Variants in MINDY2 observed in about 807,000 individuals in gnomAD.
MINDY2 encodes MINDY lysine 48 deubiquitinase 2, also known as ubiquitin carboxyl-terminal hydrolase MINDY-2.
A neutral mutation model predicts 68.2 loss-of-function variants in MINDY2; 52 were observed. That is an observed-to-expected ratio of 0.76 (90% CI 0.61 to 0.96). The LOEUF (loss-of-function observed/expected upper bound fraction) is 0.96. Among genes scored for constraint, MINDY2 ranks in the 40% least tolerant of loss-of-function variants. The pLI, the probability that MINDY2 is intolerant of heterozygous loss-of-function variation, is 0.00. For synonymous variants in MINDY2, 372 were observed against 303.0 expected, an observed-to-expected ratio of 1.23 and a Z score of -2.36; for missense variants, 881 against 773.4, an observed-to-expected ratio of 1.14 and a Z score of -1.65.
intron 2 of MINDY2, among the ~76,000 whole-genome samples, chr15:58,800,824 G>C (rs1902594169): frequency 1.2e-5 from 1 of 81,032 alleles, no homozygotes; most frequent in South Asian, 5.9e-4. Flanking sequence ...AACAGAGTAA[G>C]ACTCTGTCTC....
chr15:58,781,310 C>T (rs1446473780), intron 1 of MINDY2, among the ~76,000 whole-genome samples: 1 of 152,084 alleles, frequency 6.6e-6, no homozygotes, highest in African/African-American at 2.4e-5. Flanking sequence ...CCTTGGCCTC[C>T]CAAAGTGCTG....
chr15:58,813,089 G>T (rs2030411452), intron 4 of MINDY2, among the ~76,000 whole-genome samples: 1 of 152,100 alleles, frequency 6.6e-6, no homozygotes, highest in Non-Finnish European at 1.5e-5. Flanking sequence ...CTCACCATAA[G>T]TCTCCAAAGC....
chr15:58,844,174 G>C (rs1440947709), intron 6 of MINDY2, among the ~76,000 whole-genome samples: 1 of 152,180 alleles, frequency 6.6e-6, no homozygotes, highest in Non-Finnish European at 1.5e-5. Flanking sequence ...CTCAGGATCA[G>C]ATGGGCCTAA....
chr15:58,783,021 G>A (rs1460432001), intron 1 of MINDY2, among the ~76,000 whole-genome samples: 1 of 133,404 alleles, frequency 7.5e-6, no homozygotes, highest in Non-Finnish European at 1.5e-5. Context: ...CTGGGCCCAA[G>A]TGATTGTCCT....
chr15:58,850,362 C>T (rs2032754441), intron 7 of MINDY2, among the ~76,000 whole-genome samples: 1 of 152,022 alleles, frequency 6.6e-6, no homozygotes, highest in Non-Finnish European at 1.5e-5. Flanking sequence ...TTTTATGACA[C>T]TAAGTGGAAA....
intron 1 of MINDY2, among the ~76,000 whole-genome samples, chr15:58,785,453 T>C (rs2140912958): frequency 6.6e-6 from 1 of 152,342 alleles, no homozygotes; most frequent in African/African-American, 2.4e-5. Context: ...CATGCCATAC[T>C]GTCTCTGCTG....
intron 7 of MINDY2, among the ~76,000 whole-genome samples, chr15:58,850,141 C>T (rs573886004): frequency 2.6e-5 from 4 of 152,110 alleles, no homozygotes; most frequent in South Asian, 2.1e-4. Context: ...TAGTCAACAC[C>T]GACTCTTAAT....
intron 3 of MINDY2, among the ~76,000 whole-genome samples, chr15:58,808,084 GCAAAATT>G (rs2029939448): frequency 6.6e-6 from 1 of 150,700 alleles, no homozygotes; most frequent in African/African-American, 2.4e-5. Context: ...TGCATTCACT[GCAAAATT>G]AAGTATGGAA....
chr15:58,823,083 A>G (rs1321829889), intron 5 of MINDY2, among the ~76,000 whole-genome samples: 1 of 152,072 alleles, frequency 6.6e-6, no homozygotes, highest in Non-Finnish European at 1.5e-5. Context: ...AAAAGAGGAA[A>G]ATAAGAAGAA....
intron 2 of MINDY2, among the ~76,000 whole-genome samples, chr15:58,801,289 A>G (rs1567049625): frequency 6.7e-6 from 1 of 149,818 alleles, no homozygotes; most frequent in Non-Finnish European, 1.5e-5. Context: ...TAGCTTTTAC[A>G]GTTCAATAAG....
chr15:58,834,057 A>T (rs756900375), intron 6 of MINDY2, among the ~76,000 whole-genome samples: 4 of 152,136 alleles, frequency 2.6e-5, no homozygotes, highest in Non-Finnish European at 4.4e-5. Context: ...ATGACTCTTA[A>T]CTAGCATGCT....
At position 58,793,770 on chromosome 15, in the gene MINDY2, A is replaced by G. The variant is rs138620929; in HGVS notation, c.898+5807A>G. Among the ~76,000 whole-genome samples the G allele has an allele frequency of 1.9e-3, 287 of 152,274 alleles. 1 individual carries two copies. Among genetic ancestry groups the G allele is most frequent in the Non-Finnish European group, 2.3e-3 (154 of 68,022 alleles). On this transcript the variant is annotated intron_variant, in intron 2 of 8. Coordinates refer to ENST00000559228, the MANE Select transcript of MINDY2 (RefSeq NM_001040450.3). ...TGCAGCGCGTCTCTTGAGTGCTTCT[A>G]TTTTCTCAATGAAATAGGAAACAAA...
intron 8 of MINDY2, among the ~76,000 whole-genome samples, chr15:58,852,588 A>T (rs1177883565): frequency 6.6e-6 from 1 of 152,124 alleles, no homozygotes; most frequent in Non-Finnish European, 1.5e-5. Context: ...GAGCCAGATA[A>T]ATGTGGATTT....
intron 2 of MINDY2, among the ~76,000 whole-genome samples, chr15:58,798,285 T>G (rs1902414587): frequency 6.6e-6 from 1 of 150,748 alleles, no homozygotes; most frequent in Admixed American, 6.6e-5. Flanking sequence ...CCCAGCTAAT[T>G]TTTGTATTTT....
intron 8 of MINDY2, among the ~76,000 whole-genome samples, chr15:58,853,508 G>C (rs1174895693): frequency 6.6e-6 from 1 of 151,732 alleles, no homozygotes; most frequent in Admixed American, 6.6e-5. Context: ...ATTCTCAGGG[G>C]TTCTTTTCTC....
chr15:58,771,757 A>T lies in MINDY2; in HGVS notation c.362A>T (p.His121Leu), dbSNP rs199885473. The change falls in exon 1 of 9, where the codon CAT becomes CTT. Residue 121 changes from histidine (H) to leucine (L), a missense_variant. By Grantham distance (99) the His-to-Leu change is moderately conservative. Coordinates refer to ENST00000559228, the MANE Select transcript of MINDY2 (RefSeq NM_001040450.3). ...GAGACAGCCGTGGCCGGAGTGGGTC[A>T]TGAGTTGGGTACCGCCGGAGACGCG... Reference protein sequence around the residue: ...SPETAVAGVGHELGTAGDAGA... With the variant: ...SPETAVAGVGLELGTAGDAGA... 1.9e-6 allele frequency: 3 copies of T among 1,611,448 alleles called. No homozygotes were observed. Among genetic ancestry groups the T allele is most frequent in the Non-Finnish European group, 2.5e-6 (3 of 1,179,540 alleles).
intron 6 of MINDY2, among the ~76,000 whole-genome samples, chr15:58,832,973 A>G (rs2031812991): frequency 6.6e-6 from 1 of 152,248 alleles, no homozygotes. Flanking sequence ...GTGACCAAAC[A>G]TTAAATTCTT....
intron 6 of MINDY2, among the ~76,000 whole-genome samples, chr15:58,836,610 C>T (rs1346586061): frequency 6.6e-6 from 1 of 151,750 alleles, no homozygotes; most frequent in Non-Finnish European, 1.5e-5. Flanking sequence ...CCAGTGAGTG[C>T]TTTTTTTATT....
intron 3 of MINDY2, among the ~76,000 whole-genome samples, chr15:58,808,248 C>T (rs911598861): frequency 6.6e-6 from 1 of 152,164 alleles, no homozygotes; most frequent in African/African-American, 2.4e-5. Context: ...CTATAATTTA[C>T]TCTTTCTTGG....
Sources: gnomAD v4.1 joint callset for allele counts (sites outside exome capture counted in the v4.1 genomes callset) on GRCh38, gnomAD v4.1.1 for gene constraint, MANE v1.5 for transcripts, NCBI Gene and HGNC (gene_info 2026-07-23, HGNC 2026-07-21) for gene names.